Variants in MCTP2 observed in about 807,000 individuals in gnomAD.
MCTP2 encodes multiple C2 and transmembrane domain-containing protein 2.
In MCTP2, 132 loss-of-function variants were observed where a neutral mutation model predicts 111.6. That is an observed-to-expected ratio of 1.18 (90% confidence interval 1.03 to 1.37). The LOEUF (loss-of-function observed/expected upper bound fraction) is 1.37. Ranked by LOEUF, MCTP2 falls within the 40% of genes most tolerant of loss-of-function variation. MCTP2 has a pLI of 0.00. For missense variants in MCTP2, 1,183 were observed against 1,067.9 expected (o/e 1.11, Z -1.50); for synonymous variants, 395 against 387.7 (o/e 1.02, Z -0.22).
intron 17 of MCTP2, among the ~76,000 whole-genome samples, chr15:94,425,654 C>A (rs1027199426): frequency 1.3e-4 from 20 of 151,926 alleles, no homozygotes; most frequent in Admixed American, 3.3e-4. Context: ...CTTTTCTCAG[C>A]GTTTTCAATG....
At chr15:94,357,841 G>T (rs189771938) in intron 9 of MCTP2, among the ~76,000 whole-genome samples, 2 of 152,276 alleles carry the variant, frequency 1.3e-5, no homozygotes, top group African/African-American at 4.8e-5. Context: ...TAAACCAAAC[G>T]TAGAAGCAGT....
intron 1 of MCTP2, among the ~76,000 whole-genome samples, chr15:94,243,921 TTA>T (rs2071406519): frequency 8.6e-6 from 1 of 116,296 alleles, no homozygotes; most frequent in South Asian, 2.7e-4. Flanking sequence ...GTGTATATAT[TTA>T]CACATATGTG....
At chr15:94,321,074 A>G (rs2076610185) in intron 4 of MCTP2, among the ~76,000 whole-genome samples, 1 of 152,204 alleles carries the variant, frequency 6.6e-6, no homozygotes, top group East Asian at 1.9e-4. Flanking sequence ...CAAAAAGACA[A>G]ATATCCCATA....
chr15:94,384,358 C>A (rs1243799037), intron 13 of MCTP2, among the ~76,000 whole-genome samples: 1 of 152,078 alleles, frequency 6.6e-6, no homozygotes, highest in African/African-American at 2.4e-5. Context: ...CTTTTAGTGA[C>A]TAAATTAATC....
chr15:94,401,524 A>ATCTC (rs894754074), intron 16 of MCTP2, among the ~76,000 whole-genome samples: 5 of 151,276 alleles, frequency 3.3e-5, no homozygotes, highest in Non-Finnish European at 7.4e-5. Flanking sequence ...ATCTCTCTTT[A>ATCTC]TCTCTCTCTC....
At chr15:94,325,544 C>T (rs1434610429) in intron 4 of MCTP2, among the ~76,000 whole-genome samples, 1 of 152,090 alleles carries the variant, frequency 6.6e-6, no homozygotes, top group Non-Finnish European at 1.5e-5. Flanking sequence ...CTCCCCCTGC[C>T]GCCACCACCA....
At chr15:94,243,864 CAT>C (rs1327969977) in intron 1 of MCTP2, among the ~76,000 whole-genome samples, 6 of 146,402 alleles carry the variant, frequency 4.1e-5, no homozygotes, top group East Asian at 4.2e-4. Flanking sequence ...TATACACATA[CAT>C]ATGTGTATAT....
intron 1 of MCTP2, among the ~76,000 whole-genome samples, chr15:94,291,884 A>G (rs2075048617): frequency 6.6e-6 from 1 of 152,230 alleles, no homozygotes; most frequent in Non-Finnish European, 1.5e-5. Context: ...TGCCACAACT[A>G]TTAAACTCTA....
At position 94,476,794 on chromosome 15, in the gene MCTP2, G is replaced by A; in HGVS notation, c.2568+1G>A. ...TAGGGTACCGTCTGATGTTCAAAAGGTATGTAATGAATGGTTACCACCAAC... is the reference window on the plus strand; with the variant it reads ...TAGGGTACCGTCTGATGTTCAAAAGATATGTAATGAATGGTTACCACCAAC... On this transcript the variant is annotated splice_donor_variant, in intron 22 of 22. Coordinates refer to ENST00000357742, the MANE Select transcript of MCTP2 (RefSeq NM_001385001.1). LOFTEE classifies it high-confidence loss of function. The A allele has an allele frequency of 6.4e-7, 1 of 1,554,888 alleles. No homozygotes were observed. The highest frequency in any genetic ancestry group is 1.1e-5 in the South Asian group (1 of 89,708).
chr15:94,263,758 G>A (rs2073342428), intron 1 of MCTP2, among the ~76,000 whole-genome samples: 1 of 152,220 alleles, frequency 6.6e-6, no homozygotes, highest in African/African-American at 2.4e-5. Flanking sequence ...GCCTCCTCTG[G>A]GAATATGCAT....
intron 4 of MCTP2, 21 bp from the exon 5 acceptor site, chr15:94,339,269 T>C (rs764033926): frequency 1.3e-6 from 2 of 1,561,958 alleles, no homozygotes; most frequent in South Asian, 1.2e-5. Flanking sequence ...AATTCTGTCT[T>C]GTTTTCTTTT....
intron 20 of MCTP2, among the ~76,000 whole-genome samples, chr15:94,464,969 C>CATTA (rs1372473508): frequency 7.7e-6 from 1 of 129,528 alleles, no homozygotes; most frequent in Non-Finnish European, 1.8e-5. Flanking sequence ...TAAATTTGCT[C>CATTA]ATTATATTCA....
At position 94,290,583 on chromosome 15, in the gene MCTP2, AAACAAACC is replaced by A. The variant is rs149743572; in HGVS notation, c.-65-7614_-65-7607del. ...GTACTATGTTAAATATAAATGGTCTAAACAAACCAACTAAAAGCTAGAGATTGTCAGAC... is the reference window on the plus strand; with the variant it reads ...GTACTATGTTAAATATAAATGGTCTAAACTAAAAGCTAGAGATTGTCAGAC... On this transcript the variant is annotated intron_variant, in intron 1 of 22. Transcript: ENST00000357742. Among the ~76,000 whole-genome samples the A allele has an allele frequency of 8.5e-3, 1,290 of 152,330 alleles. 18 individuals are homozygous for A. Among genetic ancestry groups the A allele is most frequent in the African/African-American group, 0.029 (1,221 of 41,548 alleles).
intron 6 of MCTP2, among the ~76,000 whole-genome samples, 173 bp downstream of exon 6, chr15:94,340,448 G>C (rs1215237367): frequency 6.6e-6 from 1 of 152,118 alleles, no homozygotes; most frequent in Non-Finnish European, 1.5e-5. Flanking sequence ...TGCTTTCCAG[G>C]TGCCAAATAT....
At chr15:94,304,551 A>G (rs1324539371) in intron 2 of MCTP2, among the ~76,000 whole-genome samples, 1 of 152,260 alleles carries the variant, frequency 6.6e-6, no homozygotes, top group Admixed American at 6.5e-5. Context: ...TGTCTACTTC[A>G]TTAACCTGTT....
At chr15:94,471,702 G>T (rs1213793778) in intron 21 of MCTP2, among the ~76,000 whole-genome samples, 1 of 150,112 alleles carries the variant, frequency 6.7e-6, no homozygotes, top group Non-Finnish European at 1.5e-5. Flanking sequence ...ATAGCAAATT[G>T]GTCCTTAAGA....
rs566536746 is a variant in MCTP2 at position 94,245,480 on chromosome 15, A to G, written c.-66+13816A>G. 3.3e-3 allele frequency among the ~76,000 whole-genome samples: 465 copies of G among 140,714 alleles called. 5 individuals are homozygous for G. The highest frequency in any genetic ancestry group is 0.011 in the African/African-American group (435 of 39,058). 92.3% of individuals were successfully genotyped at this position (140,714 alleles called of 152,430 possible). On this transcript the variant is annotated intron_variant, in intron 1 of 22. Transcript: ENST00000357742. ...TGTATTTATATACATATATGTATAT[A>G]TACATACATGTATGTATTTATATAT...
chr15:94,482,338 A>G lies in MCTP2; in HGVS notation c.*3304A>G, dbSNP rs1304831481. 6.6e-6 allele frequency: 1 copy of G among 152,226 alleles called. No individual in the cohort carries two copies. Among genetic ancestry groups the G allele is most frequent in the African/African-American group, 2.4e-5 (1 of 41,466 alleles). 9.4% of individuals were successfully genotyped at this position (152,226 alleles called of 1,614,324 possible). A position where few individuals can be genotyped will look rare whatever the true frequency, so the allele number is the denominator to read the frequency against. On this transcript the variant is annotated 3_prime_UTR_variant, in exon 23 of 23. Coordinates refer to ENST00000357742, the MANE Select transcript of MCTP2 (RefSeq NM_001385001.1). The stretch of plus-strand genomic sequence containing the variant: ...AATGAATAACACCCTGGACTTTCAA[A>G]TAGTGGCACTGGGAAAAAAGTAAGT...
At chr15:94,420,700 T>G (rs1005723357) in intron 17 of MCTP2, among the ~76,000 whole-genome samples, 1 of 152,164 alleles carries the variant, frequency 6.6e-6, no homozygotes, top group African/African-American at 2.4e-5. Context: ...ATATGAAGTT[T>G]CTTCTTGTGG....
Sources: allele counts gnomAD v4.1 joint callset (sites outside exome capture counted in the v4.1 genomes callset), GRCh38; gene constraint gnomAD v4.1.1; transcripts MANE v1.5; gene names NCBI Gene and HGNC (gene_info 2026-07-23, HGNC 2026-07-21).